ROBO4: variants seen among roughly 807,000 people sequenced by gnomAD.
ROBO4 encodes roundabout guidance receptor 4, also known as roundabout homolog 4.
Under a neutral mutation model 103.3 loss-of-function variants are expected in ROBO4, and 80 were observed. That is an observed-to-expected ratio of 0.77 (90% CI 0.65 to 0.93). The LOEUF is 0.93. ROBO4 is among the 40% of genes least tolerant of loss of function. The probability of loss-of-function intolerance (pLI) is 0.00; values close to 1 mark genes in which losing one functional copy is unlikely to be tolerated. For missense variants in ROBO4, 1,333 were observed against 1,305.3 expected, an observed-to-expected ratio of 1.02 and a Z score of -0.33; for synonymous variants, 504 against 529.7, an observed-to-expected ratio of 0.95 and a Z score of 0.67.
rs200463910 is a variant in ROBO4 at position 124,895,507 on chromosome 11, C to T, written c.986G>A (p.Arg329Gln). ...YEFKVRPSSG[R>Q]ARGPDSNVLL... ...CACGTTGCTGTCAGGGCCTCGAGCCCGGCCAGAGGATGGTCTCACTTTGAA... is the reference window on the plus strand; with the variant it reads ...CACGTTGCTGTCAGGGCCTCGAGCCTGGCCAGAGGATGGTCTCACTTTGAA... Residue 329 changes from arginine to glutamine, a missense_variant, in exon 6 of 18, where the codon CGG becomes CAG. Transcript: ENST00000306534. 6.0e-5 allele frequency: 97 copies of T among 1,611,380 alleles called. No homozygotes were observed. The highest frequency in any genetic ancestry group is 1.6e-4 in the Middle Eastern group (1 of 6,082).
intron 12 of ROBO4, among the ~76,000 whole-genome samples, 186 bp from the exon 13 acceptor site, chr11:124,888,026 C>T (rs1946744579): frequency 6.6e-6 from 1 of 152,356 alleles, no homozygotes; most frequent in South Asian, 2.1e-4. Flanking sequence ...GTAGAAGGAG[C>T]ACTAGGCTTG....
Position 124,897,107 on chromosome 11 carries a change from C to T in ROBO4, c.225G>A (p.Val75=). The T allele has an allele frequency of 6.3e-7, 1 of 1,595,186 alleles. No individual in the cohort carries two copies. The highest frequency in any genetic ancestry group is 8.6e-7 in the Non-Finnish European group (1 of 1,169,328). The change falls in exon 2 of 18, where the codon GTG becomes GTA. Residue 75 remains valine (V), a synonymous_variant. Transcript: ENST00000306534. ...GCAGGAGGTGGTGTGGGTCTGGGGG[C>T]ACCATGCTCAGGGGCTGCCCATTCA... ...WLLNGQPLSM[V]PPDPHHLLPD...
Position 124,894,219 on chromosome 11 carries a change from G to A in ROBO4, c.1300C>T (p.Pro434Ser), listed in dbSNP as rs909814439. 16 of 1,612,772 alleles carry A rather than the reference G, an allele frequency of 9.9e-6. No individual in the cohort carries two copies. Among genetic ancestry groups the A allele is most frequent in the Non-Finnish European group, 1.4e-5 (16 of 1,179,550 alleles). ...TGAGAGEPSR[P>S]VCLLLEQAME... ...CCCTCACCTAAAAGGAGGCAGACAG[G>A]TCTACTGGGCTCCCCAGCTCCAGCA... Residue 434 changes from proline to serine, a missense_variant, in exon 8 of 18, where the codon CCT (proline) becomes TCT (serine). By Grantham distance (74) the Pro-to-Ser change is moderately conservative (BLOSUM62 -1). Transcript: ENST00000306534.
chr11:124,896,175 T>G, intron 4 of ROBO4, 23 bp downstream of exon 4: 2 of 1,612,160 alleles, frequency 1.2e-6, no homozygotes, highest in African/African-American at 1.3e-5. Context: ...CTGGCTCTGA[T>G]TGTAGCCCAC....
chr11:124,886,914 G>A, intron 15 of ROBO4, 63 bp downstream of exon 15: 1 of 1,553,440 alleles, frequency 6.4e-7, no homozygotes, highest in Non-Finnish European at 8.7e-7. Context: ...GGCGGAATGG[G>A]TGGAGAGGCG....
intron 16 of ROBO4, 137 bp downstream of exon 16, chr11:124,886,327 T>G: frequency 1.4e-6 from 1 of 693,098 alleles, no homozygotes; most frequent in East Asian, 2.5e-5. Context: ...ATTAAATGTA[T>G]GCAAAGCACT....
rs1291016432 is a variant in ROBO4 at position 124,892,030 on chromosome 11, A to C, written c.1548-228T>G. The C allele has an allele frequency of 5.3e-5, 37 of 700,510 alleles. No homozygotes were observed. The Admixed American group carries it at 7.4e-4, about 14-fold the overall frequency. 43.4% of individuals were successfully genotyped at this position (700,510 alleles called of 1,614,324 possible). On this transcript the variant is annotated intron_variant, in intron 10 of 17. Coordinates refer to ENST00000306534, the MANE Select transcript of ROBO4 (RefSeq NM_019055.6). ...ATGAGGGGAAATCCGAGTCACCCAG[A>C]GCTGGGAGGTAGTAATGACAGACAG...
Position 124,891,477 on chromosome 11 carries a change from G to A in ROBO4, c.1770C>T (p.Pro590=). The A allele has an allele frequency of 1.2e-6, 2 of 1,612,948 alleles. No individual in the cohort carries two copies. The highest frequency in any genetic ancestry group is 1.7e-6 in the Non-Finnish European group (2 of 1,179,382). ...TFYGSLIAEL[P]SSTPARPSPQ... ...GACTTGGCCTGGCTGGGGTACTGGA[G>A]GGCAGCTCAGCGATGAGGGAGCCAT... is the stretch of plus-strand genomic sequence containing the variant. The change falls in exon 12 of 18, where the codon CCC becomes CCT. Residue 590 remains proline, a synonymous_variant. Coordinates refer to ENST00000306534, the MANE Select transcript of ROBO4 (RefSeq NM_019055.6).
rs1226207980 is a variant in ROBO4 at position 124,884,520 on chromosome 11, C to T, written c.*371G>A. Reference sequence around the variant, plus strand: ...CACAGCCCTCTCCCAGCAGCCACTGCTGTCCTCCACAAAGGCACCTCTGGC... The same window carrying T: ...CACAGCCCTCTCCCAGCAGCCACTGTTGTCCTCCACAAAGGCACCTCTGGC... On this transcript the variant is annotated 3_prime_UTR_variant, in exon 18 of 18. Coordinates refer to ENST00000306534, the MANE Select transcript of ROBO4 (RefSeq NM_019055.6). 25 of 311,662 alleles carry T rather than the reference C, an allele frequency of 8.0e-5. No homozygotes were observed. The highest frequency in any genetic ancestry group is 1.4e-4 in the Non-Finnish European group (24 of 167,900). The allele number at this position is 311,662 out of a possible 1,614,324, so 19.3% of individuals were successfully genotyped here.
intron 16 of ROBO4, among the ~76,000 whole-genome samples, chr11:124,885,816 C>A (rs1343167516): frequency 6.6e-6 from 1 of 152,132 alleles, no homozygotes; most frequent in Non-Finnish European, 1.5e-5. Flanking sequence ...ATGGAGCAAC[C>A]TTTCCTGGAG....
intron 1 of ROBO4, 127 bp downstream of exon 1, chr11:124,897,599 A>G (rs760192754): frequency 6.5e-6 from 5 of 765,490 alleles, no homozygotes; most frequent in Non-Finnish European, 1.1e-5. Context: ...CACACTCATC[A>G]TCATCATCCT....
intron 2 of ROBO4, 48 bp from the exon 3 acceptor site, chr11:124,896,718 T>C (rs749230101): frequency 1.6e-5 from 25 of 1,591,348 alleles, no homozygotes; most frequent in Non-Finnish European, 2.1e-5. Context: ...AGGCCTCTTC[T>C]CTCTCCCTTA....
At chr11:124,895,716 G>A (rs567215345) in intron 5 of ROBO4, 31 bp from the exon 6 acceptor site, 10 of 1,612,030 alleles carry the variant, frequency 6.2e-6, no homozygotes, top group East Asian at 2.2e-5. Context: ...AGGGCGGGGG[G>A]TCAGAGAGCT....
chr11:124,892,365 A>G (rs1946813556), intron 10 of ROBO4: 1 of 274,962 alleles, frequency 3.6e-6, no homozygotes, highest in Admixed American at 4.7e-5. Context: ...TTCTCTGCGT[A>G]AGACCTTCAA....
Position 124,887,347 on chromosome 11 carries a change from T to C in ROBO4, c.2198+11A>G, listed in dbSNP as rs1274623555. Reference sequence around the variant, plus strand: ...CTCCCAGCCCTGCTTCCCGACCCCATGCCCTCTTACTGGGTCTGTTGACTC... The same window carrying C: ...CTCCCAGCCCTGCTTCCCGACCCCACGCCCTCTTACTGGGTCTGTTGACTC... On this transcript the variant is annotated intron_variant, in intron 14 of 17. Transcript: ENST00000306534. The C allele has an allele frequency of 8.7e-6, 14 of 1,613,694 alleles. No homozygotes were observed. Among genetic ancestry groups the C allele is most frequent in the Non-Finnish European group, 1.0e-5 (12 of 1,179,862 alleles).
chr11:124,888,086 G>A (rs948265661), intron 12 of ROBO4, among the ~76,000 whole-genome samples: 1 of 152,242 alleles, frequency 6.6e-6, no homozygotes, highest in Non-Finnish European at 1.5e-5. Flanking sequence ...GGCAGTCCAT[G>A]TACCTTTCTG....
chr11:124,897,071 G>T lies in ROBO4; in HGVS notation c.261C>A (p.Thr87=), dbSNP rs771548887. Residue 87 remains threonine, a synonymous_variant, in exon 2 of 18, where the codon ACC becomes ACA. Transcript: ENST00000306534. The part of the protein sequence containing the change: ...PDPHHLLPDG[T]LLLLQPPARG... Reference sequence around the variant, plus strand: ...GGGCAGGGGGCTGTAGCAGCAGAAGGGTCCCATCAGGCAGGAGGTGGTGTG... The same window carrying T: ...GGGCAGGGGGCTGTAGCAGCAGAAGTGTCCCATCAGGCAGGAGGTGGTGTG... 4 of 1,612,090 alleles carry T rather than the reference G, an allele frequency of 2.5e-6. No homozygotes were observed. The East Asian group carries it at 6.7e-5, about 27-fold the overall frequency.
Position 124,891,517 on chromosome 11 carries a change from T to A in ROBO4, c.1730A>T (p.Asp577Val). The change falls in exon 12 of 18, where the codon GAC becomes GTC. Residue 577 changes from aspartate to valine, a missense_variant. Asp to Val is a radical substitution (Grantham distance 152). Coordinates refer to ENST00000306534, the MANE Select transcript of ROBO4 (RefSeq NM_019055.6). ...GAGGGAGCCATAAAAAGTGCTGGTG[T>A]CTGGAAGCAGGGGCACGCCGGGGCT... is the stretch of plus-strand genomic sequence containing the variant. The part of the protein sequence containing the change: ...SRSPGVPLLP[D>V]TSTFYGSLIA... The A allele has an allele frequency of 6.2e-7, 1 of 1,614,136 alleles. No individual in the cohort carries two copies. Among genetic ancestry groups the A allele is most frequent in the Non-Finnish European group, 8.5e-7 (1 of 1,180,008 alleles).
rs777750434 is a variant in ROBO4, at chr11:124,887,123, C to G, written c.2289G>C (p.Gln763His). 6.2e-7 allele frequency: 1 copy of G among 1,613,492 alleles called. No individual in the cohort carries two copies. The highest frequency in any genetic ancestry group is 1.3e-5 in the African/African-American group (1 of 74,928). Residue 763 changes from glutamine to histidine, a missense_variant, in exon 15 of 18, where the codon CAG becomes CAC. By Grantham distance (24) the Gln-to-His change is conservative (BLOSUM62 0). Coordinates refer to ENST00000306534, the MANE Select transcript of ROBO4 (RefSeq NM_019055.6). ...ILSPCSPPSP[Q>H]ASSLSGPSPA... ...GGCTGGGGCCAGAGAGGGAAGAGGCCTGGGGGCTAGGGGGACTGCAGGGGC... is the reference window on the plus strand; with the variant it reads ...GGCTGGGGCCAGAGAGGGAAGAGGCGTGGGGGCTAGGGGGACTGCAGGGGC...
Sources: allele counts gnomAD v4.1 joint callset (sites outside exome capture counted in the v4.1 genomes callset), GRCh38; gene constraint gnomAD v4.1.1; transcripts MANE v1.5; gene names NCBI Gene and HGNC (gene_info 2026-07-23, HGNC 2026-07-21).